Variants in CHD7 observed in about 807,000 individuals in gnomAD.
The protein encoded by CHD7 is chromodomain helicase DNA binding protein 7, also known as ATP-dependent chromatin remodeler CHD7.
A neutral mutation model predicts 307.3 loss-of-function variants in CHD7; 24 were observed. That is an observed-to-expected ratio of 0.08 (90% CI 0.06 to 0.11). The LOEUF (loss-of-function observed/expected upper bound fraction) is 0.11. CHD7 is among the 10% of genes least tolerant of loss of function. The pLI, the probability that CHD7 is intolerant of heterozygous loss-of-function variation, is 1.00. For synonymous variants in CHD7, 1,363 were observed against 1,349.9 expected (o/e 1.01, Z -0.21); for missense variants, 3,106 against 3,727.1 (o/e 0.83, Z 4.34).
At chr8:60,817,171 C>T (rs1227845755) in intron 8 of CHD7, among the ~76,000 whole-genome samples, 2 of 152,102 alleles carry the variant, frequency 1.3e-5, no homozygotes, top group East Asian at 1.9e-4. Flanking sequence ...GACTTAGGAT[C>T]GCCAATTTGG....
At chr8:60,730,692 C>T (rs1236985169) in intron 1 of CHD7, among the ~76,000 whole-genome samples, 1 of 152,092 alleles carries the variant, frequency 6.6e-6, no homozygotes, top group Non-Finnish European at 1.5e-5. Context: ...AACCCTGTCT[C>T]TACTAAAAAT....
intron 7 of CHD7, among the ~76,000 whole-genome samples, chr8:60,814,432 T>C (rs1386998788): frequency 6.6e-6 from 1 of 152,194 alleles, no homozygotes; most frequent in Non-Finnish European, 1.5e-5. Flanking sequence ...ATTTTTATAA[T>C]ATGTGTTTCT....
chr8:60,683,060 C>G (rs533368682), intron 1 of CHD7, among the ~76,000 whole-genome samples: 1 of 152,294 alleles, frequency 6.6e-6, no homozygotes, highest in East Asian at 1.9e-4. Context: ...GTCTTGTTCA[C>G]TCATGTGGGC....
In CHD7 at chr8:60,836,751, T is replaced by TA. The variant is rs112949179; in HGVS notation, c.3990-59dup. The TA allele has an allele frequency of 0.011, 12,494 of 1,176,220 alleles. 184 individuals are homozygous for TA. Among genetic ancestry groups the TA allele is most frequent in the African/African-American group, 0.061 (3,912 of 64,264 alleles). The allele number at this position is 1,176,220 out of a possible 1,614,324, so 72.9% of individuals were successfully genotyped here. A position where few individuals can be genotyped will look rare whatever the true frequency, so the allele number is the denominator to read the frequency against. On this transcript the variant is annotated intron_variant, in intron 16 of 37. Coordinates refer to ENST00000423902, the MANE Select transcript of CHD7 (RefSeq NM_017780.4). ...ATTCCATATTGTAATAATTAAAAATTAAAAAAAGGAGCAAGTATGTTGTCG... is the reference window on the plus strand; with the variant it reads ...ATTCCATATTGTAATAATTAAAAATTAAAAAAAAGGAGCAAGTATGTTGTCG...
chr8:60,845,350 C>T lies in CHD7; in HGVS notation c.5151C>T (p.Asn1717=). The T allele has an allele frequency of 6.2e-7, 1 of 1,613,976 alleles. No homozygotes were observed. Among genetic ancestry groups the T allele is most frequent in the South Asian group, 1.1e-5 (1 of 91,086 alleles). ...VQDADWLASC[N]PDALFQEDSY... ...ATGCCGACTGGCTGGCCAGCTGCAACCCAGATGCCCTGTTCCAGGAGGACA... is the reference window on the plus strand; with the variant it reads ...ATGCCGACTGGCTGGCCAGCTGCAATCCAGATGCCCTGTTCCAGGAGGACA... The change falls in exon 23 of 38, where the codon AAC becomes AAT. Residue 1717 remains asparagine (N), a synonymous_variant. Coordinates refer to ENST00000423902, the MANE Select transcript of CHD7 (RefSeq NM_017780.4).
At position 60,741,963 on chromosome 8, in the gene CHD7, C is replaced by G; in HGVS notation, c.531C>G (p.Pro177=). ...PQPPQPAPSG[P]PAQGHPQHMQ... The stretch of plus-strand genomic sequence containing the variant: ...CACCGCAGCCGGCTCCGTCGGGGCC[C>G]CCTGCACAGGGCCACCCTCAGCACA... The change falls in exon 2 of 38, where the codon CCC becomes CCG. Residue 177 remains proline, a synonymous_variant. Coordinates refer to ENST00000423902, the MANE Select transcript of CHD7 (RefSeq NM_017780.4). 1.9e-6 allele frequency: 3 copies of G among 1,613,724 alleles called. No individual in the cohort carries two copies. Among genetic ancestry groups the G allele is most frequent in the East Asian group, 2.2e-5 (1 of 44,882 alleles).
intron 1 of CHD7, among the ~76,000 whole-genome samples, chr8:60,689,525 T>C (rs1335904908): frequency 6.6e-6 from 1 of 152,242 alleles, no homozygotes; most frequent in African/African-American, 2.4e-5. Flanking sequence ...GACAGGCTCA[T>C]TTAACAGCCT....
chr8:60,704,580 G>A (rs943400445), intron 1 of CHD7, among the ~76,000 whole-genome samples: 1 of 151,408 alleles, frequency 6.6e-6, no homozygotes, highest in African/African-American at 2.4e-5. Context: ...GCCTGGAAGG[G>A]GAAGACCATT....
At chr8:60,740,969 G>A (rs1005164095) in intron 1 of CHD7, among the ~76,000 whole-genome samples, 2 of 152,166 alleles carry the variant, frequency 1.3e-5, no homozygotes, top group African/African-American at 4.8e-5. Context: ...CTTTTGTTCT[G>A]TTTCATCCAA....
At chr8:60,747,798 T>C (rs905151522) in intron 2 of CHD7, among the ~76,000 whole-genome samples, 2 of 152,346 alleles carry the variant, frequency 1.3e-5, no homozygotes, top group African/African-American at 4.8e-5. Flanking sequence ...CGTCACCACC[T>C]GACGTTAGTA....
rs1358170715 is a variant in CHD7 at position 60,867,015 on chromosome 8, C to G, written c.*1082C>G. The G allele has an allele frequency of 1.3e-5, 2 of 152,092 alleles. No homozygotes were observed. Among genetic ancestry groups the G allele is most frequent in the South Asian group, 2.1e-4 (1 of 4,818 alleles). The allele number at this position is 152,092 out of a possible 1,614,324, so 9.4% of individuals were successfully genotyped here. On this transcript the variant is annotated 3_prime_UTR_variant, in exon 38 of 38. Transcript: ENST00000423902. ...TTTGTACAGTTTCTTGATATATCCT[C>G]TTATACTAGATTAGCTTTTGGTAAG...
chr8:60,818,942 G>A (rs1803885946), intron 8 of CHD7, among the ~76,000 whole-genome samples: 1 of 152,098 alleles, frequency 6.6e-6, no homozygotes, highest in Non-Finnish European at 1.5e-5. Context: ...CTTCTTTTGG[G>A]TATGGCTTAG....
intron 9 of CHD7, among the ~76,000 whole-genome samples, chr8:60,820,415 C>G (rs896518524): frequency 6.6e-6 from 1 of 152,074 alleles, no homozygotes; most frequent in Non-Finnish European, 1.5e-5. Flanking sequence ...CACAAAGTAT[C>G]CTTATATAAT....
intron 1 of CHD7, among the ~76,000 whole-genome samples, chr8:60,736,154 T>C (rs557278348): frequency 2.0e-5 from 3 of 152,288 alleles, no homozygotes; most frequent in South Asian, 4.1e-4. Flanking sequence ...TGTGGTGAAC[T>C]GATAAGCTGG....
intron 37 of CHD7, chr8:60,863,054 G>T: frequency 6.2e-6 from 1 of 162,414 alleles, no homozygotes; most frequent in Non-Finnish European, 1.3e-5. Flanking sequence ...CTGCCTAAAA[G>T]ATTTGTTACC....
chr8:60,796,444 T>C (rs1269861894), intron 4 of CHD7, among the ~76,000 whole-genome samples: 1 of 152,240 alleles, frequency 6.6e-6, no homozygotes, highest in African/African-American at 2.4e-5. Flanking sequence ...GATTTATGTT[T>C]GCTTAAAGCA....
chr8:60,691,915 G>C (rs1413244212), intron 1 of CHD7, among the ~76,000 whole-genome samples: 1 of 152,150 alleles, frequency 6.6e-6, no homozygotes, highest in Non-Finnish European at 1.5e-5. Flanking sequence ...GAATTAGACA[G>C]TCGCTTAGGG....
At chr8:60,864,286 T>A (rs4424303) in intron 37 of CHD7, 94,345 of 148,240 alleles carry the variant, frequency 0.64, 29,710 homozygotes, top group East Asian at 0.77. Flanking sequence ...CACCTGGATA[T>A]TTTTTTTTTA....
intron 2 of CHD7, among the ~76,000 whole-genome samples, chr8:60,744,925 C>T (rs994184579): frequency 6.0e-5 from 9 of 150,778 alleles, no homozygotes; most frequent in Non-Finnish European, 1.0e-4. Context: ...TCTGAAGCTT[C>T]GTCCTAAGCT....
Sources: allele counts gnomAD v4.1 joint callset (sites outside exome capture counted in the v4.1 genomes callset), GRCh38; gene constraint gnomAD v4.1.1; transcripts MANE v1.5; gene names NCBI Gene and HGNC (gene_info 2026-07-23, HGNC 2026-07-21).